Variants in RARB observed in about 807,000 individuals in gnomAD.
RARB encodes HBV-activated protein.
In RARB, 17 loss-of-function variants were observed where a neutral mutation model predicts 51.9. The observed-to-expected ratio is 0.33, with a 90% confidence interval of 0.22 to 0.49. The LOEUF is 0.49. Among genes scored for constraint, RARB ranks in the 20% least tolerant of loss-of-function variants. RARB has a pLI of 0.99. For missense variants in RARB, 369 were observed against 550.8 expected (o/e 0.67, Z 3.30); for synonymous variants, 215 against 195.4 (o/e 1.10, Z -0.84).
chr3:25,356,551 C>T (rs572927476), intron 5 of RARB, among the ~76,000 whole-genome samples: 2 of 151,884 alleles, frequency 1.3e-5, no homozygotes, highest in South Asian at 2.1e-4. Flanking sequence ...TTCTGGGATA[C>T]ACGTGCAGAA....
At chr3:24,940,506 G>T (rs1695641026) in intron 2 of RARB, among the ~76,000 whole-genome samples, 1 of 152,164 alleles carries the variant, frequency 6.6e-6, no homozygotes, top group Non-Finnish European at 1.5e-5. Context: ...AGTCATTCAA[G>T]TGAACTGTCT....
At chr3:25,094,943 C>A (rs898737962) in intron 3 of RARB, among the ~76,000 whole-genome samples, 1 of 151,938 alleles carries the variant, frequency 6.6e-6, no homozygotes, top group African/African-American at 2.4e-5. Flanking sequence ...CCTACAGATG[C>A]TTGAGAAAAA....
At chr3:25,343,931 A>G (rs959681492) in intron 5 of RARB, among the ~76,000 whole-genome samples, 6 of 152,214 alleles carry the variant, frequency 3.9e-5, no homozygotes, top group African/African-American at 1.4e-4. Flanking sequence ...ATTGAAGCAG[A>G]CAAAAAGACC....
At chr3:24,836,155 A>G (rs539557304) in intron 1 of RARB, among the ~76,000 whole-genome samples, 27 of 149,990 alleles carry the variant, frequency 1.8e-4, no homozygotes, top group Non-Finnish European at 3.3e-4. Flanking sequence ...GAAATAAGAT[A>G]GCATTGTGTA....
intron 1 of RARB, among the ~76,000 whole-genome samples, chr3:24,855,423 C>T (rs1027521522): frequency 1.3e-5 from 2 of 152,182 alleles, no homozygotes; most frequent in Admixed American, 6.5e-5. Context: ...TAACTTACCT[C>T]GTTGCAGACT....
At chr3:24,890,592 G>A (rs1703359121) in intron 2 of RARB, among the ~76,000 whole-genome samples, 1 of 152,082 alleles carries the variant, frequency 6.6e-6, no homozygotes, top group African/African-American at 2.4e-5. Context: ...CTTGGTGGGG[G>A]GCAACTACCC....
intron 3 of RARB, among the ~76,000 whole-genome samples, chr3:25,078,346 A>G (rs556706833): frequency 6.6e-6 from 1 of 152,214 alleles, no homozygotes; most frequent in South Asian, 2.1e-4. Context: ...AGTTTTTGCA[A>G]TACTATCTGA....
chr3:25,338,838 C>A (rs1463707296), intron 5 of RARB, among the ~76,000 whole-genome samples: 2 of 152,094 alleles, frequency 1.3e-5, no homozygotes. Flanking sequence ...TACCCTGAGC[C>A]TTTCCTCACC....
At chr3:25,272,380 T>A (rs1703275374) in intron 5 of RARB, among the ~76,000 whole-genome samples, 1 of 152,164 alleles carries the variant, frequency 6.6e-6, no homozygotes, top group African/African-American at 2.4e-5. Flanking sequence ...AAACAAAGTC[T>A]TGTGGTCTAG....
At chr3:25,230,990 CA>C (rs1159063422) in intron 5 of RARB, among the ~76,000 whole-genome samples, 2 of 152,026 alleles carry the variant, frequency 1.3e-5, no homozygotes, top group Non-Finnish European at 2.9e-5. Context: ...ATACACTGAA[CA>C]AAAACTATGA....
chr3:25,040,530 C>T (rs550992090), intron 2 of RARB, among the ~76,000 whole-genome samples: 13 of 152,222 alleles, frequency 8.5e-5, no homozygotes, highest in Middle Eastern at 3.4e-3. Flanking sequence ...GACAGAAGTT[C>T]GAGACCAGCC....
At chr3:24,886,338 G>T (rs1392158456) in intron 2 of RARB, among the ~76,000 whole-genome samples, 1 of 152,150 alleles carries the variant, frequency 6.6e-6, no homozygotes, top group East Asian at 1.9e-4. Flanking sequence ...CCCACAGATG[G>T]TTGTTCAGTT....
At position 25,541,365 on chromosome 3, in the gene RARB, TTC is replaced by T. The variant is rs1336161695; in HGVS notation, c.449-28391_449-28390del. Among the ~76,000 whole-genome samples, 12 of 152,336 alleles carry T rather than the reference TTC, an allele frequency of 7.9e-5. No homozygotes were observed. In the East Asian group the frequency reaches 1.2e-3, roughly 15 times the overall value. On this transcript the variant is annotated intron_variant, in intron 3 of 7. Coordinates refer to ENST00000330688, the MANE Select transcript of RARB (RefSeq NM_000965.5). ...CTCTCCTTCTCTCTCTCAGTCTTTT[TTC>T]TGTCTTTCGTTCTGACCTTTACTCT...
Position 25,541,288 on chromosome 3 carries a change from A to G in RARB, c.449-28470A>G, listed in dbSNP as rs1165105364. ...CTCTCAGCTGCCTTTGGCTCTCTCC[A>G]CCAATTCTTGAAAATACTTTCCCTC... On this transcript the variant is annotated intron_variant, in intron 3 of 7. Coordinates refer to ENST00000330688, the MANE Select transcript of RARB (RefSeq NM_000965.5). 2.6e-5 allele frequency among the ~76,000 whole-genome samples: 4 copies of G among 152,146 alleles called. No homozygotes were observed. The East Asian group carries it at 7.7e-4, about 29-fold the overall frequency.
chr3:25,478,253 T>C (rs1345308813), intron 2 of RARB, among the ~76,000 whole-genome samples: 2 of 152,160 alleles, frequency 1.3e-5, no homozygotes, highest in African/African-American at 4.8e-5. Flanking sequence ...CCTCCTTTCA[T>C]TGGGATAGTG....
intron 5 of RARB, among the ~76,000 whole-genome samples, chr3:25,225,369 T>C (rs1352862339): frequency 6.6e-6 from 1 of 152,126 alleles, no homozygotes; most frequent in African/African-American, 2.4e-5. Flanking sequence ...GCAAATAATC[T>C]CTATGAAAAG....
At chr3:25,332,394 C>A (rs1328353044) in intron 5 of RARB, among the ~76,000 whole-genome samples, 1 of 152,162 alleles carries the variant, frequency 6.6e-6, no homozygotes, top group African/African-American at 2.4e-5. Context: ...TAAACGTAAT[C>A]CAGCATATAA....
At chr3:25,185,480 C>T (rs1349544664) in intron 5 of RARB, among the ~76,000 whole-genome samples, 1 of 152,060 alleles carries the variant, frequency 6.6e-6, no homozygotes, top group Non-Finnish European at 1.5e-5. Context: ...ATATTAATTG[C>T]TTAACGGTTG....
In RARB at chr3:25,557,137, TCACACA is replaced by T. The variant is rs55731301; in HGVS notation, c.449-12590_449-12585del. On this transcript the variant is annotated intron_variant, in intron 3 of 7. Coordinates refer to ENST00000330688, the MANE Select transcript of RARB (RefSeq NM_000965.5). Reference sequence around the variant, plus strand: ...GTTTTGCTTCCACATGGCATTGCATTCACACACACACACACACACACACACACACAC... The same window carrying T: ...GTTTTGCTTCCACATGGCATTGCATTCACACACACACACACACACACACAC... Among the ~76,000 whole-genome samples, 925 of 145,444 alleles carry T rather than the reference TCACACA, an allele frequency of 6.4e-3. 7 individuals are homozygous for T. Among genetic ancestry groups the T allele is most frequent in the African/African-American group, 0.021 (813 of 38,650 alleles).
Sources: gnomAD v4.1 joint callset for allele counts (sites outside exome capture counted in the v4.1 genomes callset) on GRCh38, gnomAD v4.1.1 for gene constraint, MANE v1.5 for transcripts, NCBI Gene and HGNC (gene_info 2026-07-23, HGNC 2026-07-21) for gene names.